Variants in WDR49 observed in about 807,000 individuals in gnomAD.
The protein encoded by WDR49 is cilia- and flagella-associated protein 337.
Under a neutral mutation model 119.5 loss-of-function variants are expected in WDR49, and 107 were observed. That is an observed-to-expected ratio of 0.90 (90% CI 0.77 to 1.05). The LOEUF (loss-of-function observed/expected upper bound fraction) is 1.05. Among genes scored for constraint, WDR49 ranks in the 50% least tolerant of loss-of-function variants. The pLI, the probability that WDR49 is intolerant of heterozygous loss-of-function variation, is 0.00. For synonymous variants in WDR49, 425 were observed against 418.8 expected (o/e 1.01, Z -0.18); for missense variants, 1,240 against 1,220.5 (o/e 1.02, Z -0.24).
chr3:167,568,377 T>C (rs965468954), intron 8 of WDR49, among the ~76,000 whole-genome samples: 1 of 152,228 alleles, frequency 6.6e-6, no homozygotes, highest in Non-Finnish European at 1.5e-5. Context: ...CTGCTCATTC[T>C]CTAATCATAT....
intron 8 of WDR49, among the ~76,000 whole-genome samples, chr3:167,568,062 C>T (rs1713710731): frequency 6.6e-6 from 1 of 152,194 alleles, no homozygotes; most frequent in East Asian, 1.9e-4. Flanking sequence ...TGCCTTAAAT[C>T]CTGATGCTTG....
At chr3:167,554,823 T>C (rs2108265816) in intron 9 of WDR49, 25 bp from the exon 10 acceptor site, 1 of 1,539,918 alleles carries the variant, frequency 6.5e-7, no homozygotes, top group East Asian at 2.3e-5. Context: ...TTAAAACCAC[T>C]TTGAGACAGG....
intron 18 of WDR49, among the ~76,000 whole-genome samples, chr3:167,499,738 A>C (rs1751487438): frequency 6.6e-6 from 1 of 152,200 alleles, no homozygotes; most frequent in African/African-American, 2.4e-5. Flanking sequence ...AAGACAATAC[A>C]TTTTAAGTCG....
At chr3:167,596,710 G>A (rs1379666636) in intron 7 of WDR49, among the ~76,000 whole-genome samples, 1 of 121,718 alleles carries the variant, frequency 8.2e-6, no homozygotes, top group African/African-American at 3.1e-5. Context: ...TCACACTCTG[G>A]GGACTGTTGT....
intron 12 of WDR49, among the ~76,000 whole-genome samples, 156 bp downstream of exon 12, chr3:167,532,723 T>A (rs1291059506): frequency 1.3e-5 from 2 of 152,154 alleles, no homozygotes; most frequent in African/African-American, 4.8e-5. Context: ...AAGGTTCTCT[T>A]TAGCTACTTT....
chr3:167,597,907 C>T (rs1312495084), intron 7 of WDR49, among the ~76,000 whole-genome samples: 4 of 152,130 alleles, frequency 2.6e-5, no homozygotes, highest in African/African-American at 7.2e-5. Context: ...GCAGAAGGGA[C>T]TTGCCTTGTC....
intron 17 of WDR49, 40 bp from the exon 18 acceptor site, chr3:167,500,339 A>G (rs1027095158): frequency 1.6e-5 from 25 of 1,596,996 alleles, no homozygotes; most frequent in Non-Finnish European, 1.7e-5. Context: ...AGGGAGAAAA[A>G]GGGTACAATA....
intron 18 of WDR49, among the ~76,000 whole-genome samples, chr3:167,489,064 C>A (rs576809896): frequency 1.3e-5 from 2 of 152,108 alleles, no homozygotes; most frequent in Non-Finnish European, 2.9e-5. Context: ...CTTCTTAGCT[C>A]TTATCAATAT....
intron 18 of WDR49, among the ~76,000 whole-genome samples, 195 bp from the exon 19 acceptor site, chr3:167,479,191 T>A (rs1750599017): frequency 6.6e-6 from 1 of 152,170 alleles, no homozygotes; most frequent in Non-Finnish European, 1.5e-5. Context: ...AAAGTTAAAT[T>A]TTGGTAGAGT....
intron 2 of WDR49, among the ~76,000 whole-genome samples, chr3:167,650,277 G>T (rs549196492): frequency 6.6e-6 from 1 of 152,106 alleles, no homozygotes; most frequent in Admixed American, 6.6e-5. Context: ...TGTAAAATAT[G>T]GTTGACATCA....
intron 2 of WDR49, among the ~76,000 whole-genome samples, chr3:167,642,753 A>T (rs1388393328): frequency 6.6e-6 from 1 of 151,976 alleles, no homozygotes; most frequent in Non-Finnish European, 1.5e-5. Flanking sequence ...TCTTGGGCAC[A>T]TCATCTTGTG....
At chr3:167,498,132 G>A (rs982711185) in intron 18 of WDR49, among the ~76,000 whole-genome samples, 9 of 151,982 alleles carry the variant, frequency 5.9e-5, no homozygotes, top group Admixed American at 3.3e-4. Context: ...GAGCCACCGC[G>A]CCCAGCCCCC....
At chr3:167,486,496 T>C (rs1750924757) in intron 18 of WDR49, among the ~76,000 whole-genome samples, 1 of 152,132 alleles carries the variant, frequency 6.6e-6, no homozygotes, top group South Asian at 2.1e-4. Context: ...CCATCTGCTG[T>C]CTTCAAGAGA....
intron 10 of WDR49, among the ~76,000 whole-genome samples, chr3:167,544,353 C>G (rs1712032735): frequency 6.6e-6 from 1 of 151,968 alleles, no homozygotes; most frequent in African/African-American, 2.4e-5. Context: ...GCCCACACAG[C>G]CAAAGTAATA....
intron 7 of WDR49, among the ~76,000 whole-genome samples, chr3:167,589,883 T>A (rs966413422): frequency 6.6e-6 from 1 of 152,092 alleles, no homozygotes; most frequent in Non-Finnish European, 1.5e-5. Context: ...GCTTTCTTCA[T>A]TTCCAATTTG....
At chr3:167,601,766 A>G (rs1715783732) in intron 7 of WDR49, among the ~76,000 whole-genome samples, 1 of 152,156 alleles carries the variant, frequency 6.6e-6, no homozygotes, top group South Asian at 2.1e-4. Flanking sequence ...ATAATATTTA[A>G]TTGCCTATGC....
At chr3:167,544,974 A>G (rs980505779) in intron 10 of WDR49, among the ~76,000 whole-genome samples, 2 of 152,054 alleles carry the variant, frequency 1.3e-5, no homozygotes, top group African/African-American at 4.8e-5. Flanking sequence ...CAGAATCTAC[A>G]AGAACTCAAA....
chr3:167,527,169 C>T (rs1392836957), intron 15 of WDR49, among the ~76,000 whole-genome samples: 3 of 152,066 alleles, frequency 2.0e-5, no homozygotes, highest in Non-Finnish European at 4.4e-5. Context: ...AAAAACAAAA[C>T]TCTACCACGA....
At chr3:167,544,741 A>T (rs1164316581) in intron 10 of WDR49, among the ~76,000 whole-genome samples, 1 of 152,104 alleles carries the variant, frequency 6.6e-6, no homozygotes, top group African/African-American at 2.4e-5. Context: ...TAAAAATTCT[A>T]GAAGAACATG....
Sources: allele counts gnomAD v4.1 joint callset (sites outside exome capture counted in the v4.1 genomes callset), GRCh38; gene constraint gnomAD v4.1.1; transcripts MANE v1.5; gene names NCBI Gene and HGNC (gene_info 2026-07-23, HGNC 2026-07-21).